TAFA2: variants seen among roughly 807,000 people sequenced by gnomAD.
TAFA2 encodes chemokine-like protein TAFA-2.
TAFA2 carries 7 observed loss-of-function variants against 18.8 expected under a neutral mutation model. The observed-to-expected ratio is 0.37, with a 90% CI of 0.21 to 0.70. The LOEUF is 0.70. TAFA2 is among the 30% of genes least tolerant of loss of function. TAFA2 has a pLI of 0.53. For missense variants in TAFA2, 122 were observed against 158.1 expected (o/e 0.77, Z 1.23); for synonymous variants, 60 against 54.2 (o/e 1.11, Z -0.47).
intron 1 of TAFA2, among the ~76,000 whole-genome samples, chr12:61,947,966 C>T (rs1878337745): frequency 1.3e-5 from 2 of 152,102 alleles, no homozygotes; most frequent in South Asian, 4.1e-4. Flanking sequence ...ATCAAGCTAT[C>T]AGACTTATAG....
chr12:62,210,926 C>G (rs1245643), intron 1 of TAFA2, among the ~76,000 whole-genome samples: 80,738 of 151,192 alleles, frequency 0.53, 22,202 homozygotes, highest in East Asian at 0.7. Context: ...ACACCCCCCG[C>G]CCCCCAAAAA....
At chr12:61,879,538 A>T in intron 1 of TAFA2, 1 of 723,964 alleles carries the variant, frequency 1.4e-6, no homozygotes, top group Non-Finnish European at 2.5e-6. Flanking sequence ...GAGCCTGCTG[A>T]GGCCCCTTAA....
chr12:62,112,898 T>C (rs1243122753), intron 1 of TAFA2, among the ~76,000 whole-genome samples: 1 of 152,088 alleles, frequency 6.6e-6, no homozygotes, highest in African/African-American at 2.4e-5. Flanking sequence ...TTTATCAGGG[T>C]TCTTAGCTTC....
At chr12:61,975,409 C>T (rs1457105759) in intron 1 of TAFA2, among the ~76,000 whole-genome samples, 1 of 151,314 alleles carries the variant, frequency 6.6e-6, no homozygotes, top group Non-Finnish European at 1.5e-5. Flanking sequence ...CAGTATTTTA[C>T]TTTCTGTGTT....
rs1412403106 is a variant in TAFA2 at position 62,027,716 on chromosome 12, A to G, written c.-1-160290T>C. On this transcript the variant is annotated intron_variant, in intron 1 of 4. Coordinates refer to ENST00000416284, the MANE Select transcript of TAFA2 (RefSeq NM_178539.5). ...TTTTTTTATTCTAAATCTTCAGTGC[A>G]GCAGATTATATTTCCCTTTTAGAGA... Among the ~76,000 whole-genome samples, 4 of 152,298 alleles carry G rather than the reference A, an allele frequency of 2.6e-5. 1 individual carries two copies. In the East Asian group the frequency reaches 7.7e-4, roughly 29 times the overall value.
chr12:61,917,330 C>G (rs1017255372), intron 1 of TAFA2, among the ~76,000 whole-genome samples: 3 of 152,088 alleles, frequency 2.0e-5, no homozygotes, highest in African/African-American at 7.2e-5. Context: ...ATAATTTTTA[C>G]CTGTCAGAAA....
chr12:62,211,750 G>A (rs1167504672), intron 1 of TAFA2, among the ~76,000 whole-genome samples: 1 of 152,164 alleles, frequency 6.6e-6, no homozygotes, highest in Non-Finnish European at 1.5e-5. Context: ...CCCAAGCACA[G>A]TGCATGAATG....
chr12:62,168,073 G>A (rs1252346186), intron 1 of TAFA2, among the ~76,000 whole-genome samples: 1 of 152,150 alleles, frequency 6.6e-6, no homozygotes, highest in Non-Finnish European at 1.5e-5. Flanking sequence ...ATTTGTGTGT[G>A]TCTGTGTGTG....
At chr12:61,853,460 AT>A (rs1873761865) in intron 2 of TAFA2, among the ~76,000 whole-genome samples, 1 of 150,126 alleles carries the variant, frequency 6.7e-6, no homozygotes, top group Non-Finnish European at 1.5e-5. Context: ...TTGATGGCGG[AT>A]TAAAAAAATG....
At position 61,978,335 on chromosome 12, in the gene TAFA2, C is replaced by A. The variant is rs566223008; in HGVS notation, c.-1-110909G>T. 3.3e-5 allele frequency among the ~76,000 whole-genome samples: 5 copies of A among 152,102 alleles called. No individual in the cohort carries two copies. In the South Asian group the frequency reaches 1.0e-3, roughly 32 times the overall value. On this transcript the variant is annotated intron_variant, in intron 1 of 4. Transcript: ENST00000416284. The stretch of plus-strand genomic sequence containing the variant: ...AAATAAATTTGGTGAATTTGATATT[C>A]TTATCAGACTTCATATATCTCACCC...
In TAFA2 at chr12:62,158,868, C is replaced by T. The variant is rs576308788; in HGVS notation, c.-2+32391G>A. Among the ~76,000 whole-genome samples, 3 of 152,214 alleles carry T rather than the reference C, an allele frequency of 2.0e-5. No individual in the cohort carries two copies. In the South Asian group the frequency reaches 6.2e-4, roughly 32 times the overall value. On this transcript the variant is annotated intron_variant, in intron 1 of 4. Coordinates refer to ENST00000416284, the MANE Select transcript of TAFA2 (RefSeq NM_178539.5). ...GCTTACAAAGTCTAAAGACCCAGCA[C>T]AAGTGATACAGAAAAGGCATCAGAA...
chr12:61,977,173 A>C (rs981063140), intron 1 of TAFA2, among the ~76,000 whole-genome samples: 3 of 152,032 alleles, frequency 2.0e-5, no homozygotes, highest in African/African-American at 7.2e-5. Flanking sequence ...AACTACATAT[A>C]CTTTACTCCC....
At chr12:61,757,957 T>C (rs890412591) in intron 2 of TAFA2, among the ~76,000 whole-genome samples, 13 of 152,046 alleles carry the variant, frequency 8.6e-5, no homozygotes, top group African/African-American at 3.1e-4. Context: ...CTATTATGCA[T>C]GGGCAGCTGA....
intron 1 of TAFA2, among the ~76,000 whole-genome samples, chr12:62,094,048 T>C (rs1027632137): frequency 2.7e-5 from 4 of 146,558 alleles, no homozygotes; most frequent in African/African-American, 9.9e-5. Flanking sequence ...GGTTTTAAAT[T>C]CAGAAAACTT....
intron 1 of TAFA2, among the ~76,000 whole-genome samples, chr12:61,951,615 G>A (rs1454997743): frequency 6.6e-6 from 1 of 152,016 alleles, no homozygotes; most frequent in African/African-American, 2.4e-5. Context: ...GCTATAGAAG[G>A]AAAGGACATG....
chr12:61,792,667 G>A (rs1212212392), intron 2 of TAFA2, among the ~76,000 whole-genome samples: 1 of 151,410 alleles, frequency 6.6e-6, no homozygotes, highest in East Asian at 1.9e-4. Context: ...TTATTTCAGT[G>A]CAAATAATAT....
chr12:62,258,242 G>A (rs1367800178), intron 1 of TAFA2: 8 of 152,158 alleles, frequency 5.3e-5, no homozygotes, highest in Non-Finnish European at 1.2e-4. Flanking sequence ...TCCTGACTCT[G>A]ATGGCAGTTA....
At chr12:61,760,143 T>C (rs540838331) in intron 2 of TAFA2, among the ~76,000 whole-genome samples, 2 of 146,106 alleles carry the variant, frequency 1.4e-5, no homozygotes, top group African/African-American at 2.5e-5. Context: ...TGGTGAGAAA[T>C]GAACTTTGTA....
intron 2 of TAFA2, among the ~76,000 whole-genome samples, chr12:61,816,221 T>G (rs1470838817): frequency 6.6e-6 from 1 of 151,292 alleles, no homozygotes; most frequent in African/African-American, 2.5e-5. Flanking sequence ...CTCCCTTCTT[T>G]GTATTCATGA....
Sources: allele counts gnomAD v4.1 joint callset (sites outside exome capture counted in the v4.1 genomes callset), GRCh38; gene constraint gnomAD v4.1.1; transcripts MANE v1.5; gene names NCBI Gene and HGNC (gene_info 2026-07-23, HGNC 2026-07-21).